The following PLCH1 variants were observed in gnomAD, a reference collection of about 807,000 sequenced individuals.
PLCH1 encodes the protein phospholipase C eta 1.
In PLCH1, 60 loss-of-function variants were observed where a neutral mutation model predicts 126.7. The ratio of observed to expected loss-of-function variants is 0.47; its 90% CI spans 0.38 to 0.59. PLCH1 has a LOEUF of 0.59. Among genes scored for constraint, PLCH1 ranks in the 20% least tolerant of loss-of-function variants. PLCH1 has a pLI of 0.00. For synonymous variants in PLCH1, 719 were observed against 734.9 expected (o/e 0.98, Z 0.35); for missense variants, 1,723 against 2,040.0 (o/e 0.84, Z 2.99).
chr3:155,581,591 G>C (rs1167888960), intron 6 of PLCH1, among the ~76,000 whole-genome samples: 2 of 152,108 alleles, frequency 1.3e-5, no homozygotes, highest in African/African-American at 2.4e-5. Context: ...GTCCAGAACA[G>C]ATAACAGACA....
chr3:155,555,655 G>C (rs1726729006), intron 8 of PLCH1, among the ~76,000 whole-genome samples: 1 of 152,280 alleles, frequency 6.6e-6, no homozygotes. Flanking sequence ...AAGCTCACAG[G>C]CTTGTTCTTC....
intron 2 of PLCH1, among the ~76,000 whole-genome samples, chr3:155,698,986 CTT>C (rs35308889): frequency 0.011 from 1,498 of 138,230 alleles, 12 homozygotes; most frequent in Middle Eastern, 0.023. Flanking sequence ...GGCCTATCTT[CTT>C]TTTTTTTTTT....
At chr3:155,732,394 C>G (rs1339246798) in intron 1 of PLCH1, among the ~76,000 whole-genome samples, 1 of 151,514 alleles carries the variant, frequency 6.6e-6, no homozygotes, top group African/African-American at 2.4e-5. Context: ...ACAATTAGAA[C>G]TAATAGATGA....
rs1417755269 is a variant in PLCH1, at chr3:155,481,300, T to C, written c.4726A>G (p.Ser1576Gly). 10 of 1,614,130 alleles carry C rather than the reference T, an allele frequency of 6.2e-6. No individual in the cohort carries two copies. In the Middle Eastern group the frequency reaches 4.9e-4, roughly 80 times the overall value. Reference protein sequence around the residue: ...LVRKLSSRSQSRVRNIASRAK... With the variant: ...LVRKLSSRSQGRVRNIASRAK... ...CGACTAGCAATATTGCGCACTCTGC[T>C]CTGACTTCTGGATGACAACTTCCTG... Residue 1576 changes from serine (S) to glycine (G), a missense_variant, in exon 23 of 23, where the codon AGC (serine) becomes GGC (glycine). Ser to Gly is a moderately conservative substitution (Grantham distance 56). Around this residue, in one of 2 missense-constraint regions of PLCH1, gnomAD observed 947 missense variants for 977.1 expected, o/e 0.97. Transcript: ENST00000460012. The surrounding 1 kb of genome is among the most constrained non-coding windows in gnomAD (Gnocchi z 4.2).
intron 2 of PLCH1, among the ~76,000 whole-genome samples, chr3:155,626,169 TGAACAATGA>T: frequency 6.6e-6 from 1 of 151,188 alleles, no homozygotes; most frequent in Admixed American, 6.6e-5. Context: ...AAGTGGGAGC[TGAACAATGA>T]GAACACATGG....
intron 12 of PLCH1, among the ~76,000 whole-genome samples, chr3:155,505,503 T>G (rs1175878928): frequency 6.6e-6 from 1 of 152,132 alleles, no homozygotes; most frequent in Non-Finnish European, 1.5e-5. Context: ...ATAAATGGAA[T>G]AAATGTGGGT....
At chr3:155,567,668 T>C (rs1308655154) in intron 7 of PLCH1, among the ~76,000 whole-genome samples, 2 of 152,228 alleles carry the variant, frequency 1.3e-5, no homozygotes, top group Non-Finnish European at 2.9e-5. Context: ...TTCTGCCATA[T>C]TATTTACGTC....
intron 2 of PLCH1, among the ~76,000 whole-genome samples, chr3:155,601,694 A>AT (rs902563391): frequency 7.3e-5 from 11 of 151,490 alleles, no homozygotes; most frequent in South Asian, 2.1e-4. Flanking sequence ...CCTGATGCTG[A>AT]TTTTTTTTTA....
At chr3:155,687,198 T>C (rs971494386) in intron 2 of PLCH1, among the ~76,000 whole-genome samples, 5 of 152,216 alleles carry the variant, frequency 3.3e-5, no homozygotes, top group African/African-American at 4.8e-5. Flanking sequence ...AGAGAAATAA[T>C]GCTGAAGTAT....
chr3:155,466,790 G>A (rs776112404), intron 21 of PLCH1, among the ~76,000 whole-genome samples: 38 of 152,242 alleles, frequency 2.5e-4, no homozygotes, highest in African/African-American at 8.4e-4. Context: ...ACATAACAAA[G>A]AGATTGAAAT....
chr3:155,740,720 G>A, intron 1 of PLCH1, among the ~76,000 whole-genome samples: 1 of 152,112 alleles, frequency 6.6e-6, no homozygotes, highest in East Asian at 1.9e-4. Context: ...ATAAAGCAAG[G>A]ATTCAATATC....
chr3:155,551,226 C>A (rs889062206), intron 9 of PLCH1, among the ~76,000 whole-genome samples: 2 of 152,034 alleles, frequency 1.3e-5, no homozygotes, highest in Non-Finnish European at 2.9e-5. Flanking sequence ...AGGCAGATCA[C>A]TTGAGGCCAG....
In PLCH1 at chr3:155,558,726, T is replaced by C. The variant is rs115343654; in HGVS notation, c.1070-4530A>G. 8.0e-3 allele frequency among the ~76,000 whole-genome samples: 1,213 copies of C among 152,278 alleles called. 17 individuals carry two copies. The highest frequency in any genetic ancestry group is 0.027 in the African/African-American group (1,121 of 41,556). ...AGAATGGTACACAACTTAAAACTTA[T>C]ATGTTGTTTCTCTCTGGAATTTCTA... On this transcript the variant is annotated intron_variant, in intron 8 of 22. Coordinates refer to ENST00000460012, the MANE Select transcript of PLCH1 (RefSeq NM_014996.4).
At chr3:155,668,685 G>C (rs1474499270) in intron 2 of PLCH1, among the ~76,000 whole-genome samples, 5 of 152,112 alleles carry the variant, frequency 3.3e-5, no homozygotes, top group Non-Finnish European at 7.4e-5. Context: ...CTGAGGTCGG[G>C]AGTTCAAGAC....
At chr3:155,698,061 T>C (rs1289583927) in intron 2 of PLCH1, among the ~76,000 whole-genome samples, 1 of 151,988 alleles carries the variant, frequency 6.6e-6, no homozygotes, top group African/African-American at 2.4e-5. Flanking sequence ...CTTAATGAAT[T>C]TGAGATTAAA....
intron 21 of PLCH1, among the ~76,000 whole-genome samples, chr3:155,451,565 T>C (rs1201875746): frequency 1.3e-5 from 2 of 152,192 alleles, no homozygotes; most frequent in Non-Finnish European, 2.9e-5. Context: ...GAGGTTAACA[T>C]TTGAATTAGT....
At chr3:155,672,695 A>G (rs1743645826) in intron 2 of PLCH1, among the ~76,000 whole-genome samples, 2 of 152,220 alleles carry the variant, frequency 1.3e-5, no homozygotes, top group Admixed American at 1.3e-4. Context: ...GAAGTGTTAA[A>G]TTTCTTATCA....
At chr3:155,611,730 C>T (rs543406481) in intron 2 of PLCH1, among the ~76,000 whole-genome samples, 2 of 152,202 alleles carry the variant, frequency 1.3e-5, no homozygotes, top group Non-Finnish European at 2.9e-5. Flanking sequence ...TTCTTCAGCA[C>T]ATGGAACATT....
At position 155,583,529 on chromosome 3, in the gene PLCH1, G is replaced by C; in HGVS notation, c.714C>G (p.Asp238Glu). Residue 238 changes from aspartate (D) to glutamate (E), a missense_variant, in exon 6 of 23, where the codon GAC (aspartate) becomes GAG (glutamate). By Grantham distance (45) the Asp-to-Glu change is conservative. Around this residue, in one of 2 missense-constraint regions of PLCH1, gnomAD observed 776 missense variants for 1,062.9 expected, o/e 0.73. Transcript: ENST00000460012. ...DLYLLLLSYS[D>E]KKDHLTVEEL... ...CTTCCACAGTTAGGTGATCTTTCTT[G>C]TCACTGTAGCTCAAAAGTAACAAAT... is the stretch of plus-strand genomic sequence containing the variant. 1 of 1,607,618 alleles carries C rather than the reference G, an allele frequency of 6.2e-7. No individual in the cohort carries two copies. The highest frequency in any genetic ancestry group is 8.5e-7 in the Non-Finnish European group (1 of 1,177,878).
Sources: allele counts gnomAD v4.1 joint callset (sites outside exome capture counted in the v4.1 genomes callset), GRCh38; gene constraint gnomAD v4.1.1; regional missense constraint gnomAD v4.1.1; non-coding constraint Gnocchi (gnomAD v3.1); transcripts MANE v1.5; gene names NCBI Gene and HGNC (gene_info 2026-07-23, HGNC 2026-07-21).